Variants in RIMS2 observed in about 807,000 individuals in gnomAD.
RIMS2 encodes regulating synaptic membrane exocytosis protein 2.
Under a neutral mutation model 174.4 loss-of-function variants are expected in RIMS2, and 59 were observed. The ratio of observed to expected loss-of-function variants is 0.34; its 90% confidence interval spans 0.27 to 0.42. RIMS2 has a LOEUF of 0.42. Ranked by LOEUF, RIMS2 falls within the 10% of genes least tolerant of loss-of-function variation. RIMS2 has a pLI of 1.00. For missense variants in RIMS2, 1,620 were observed against 1,666.3 expected, an observed-to-expected ratio of 0.97 and a Z score of 0.48; for synonymous variants, 606 against 572.5, an observed-to-expected ratio of 1.06 and a Z score of -0.84.
In RIMS2 at chr8:103,788,878, C is replaced by A. The variant is rs189928471; in HGVS notation, c.698+22341C>A. ...GGCGCCCCTCCCCCAGCCTCGCCGC[C>A]GCCTTGCAGTTTGATCTCAGACTGC... On this transcript the variant is annotated intron_variant, in intron 3 of 23. Transcript: ENST00000504942. Among the ~76,000 whole-genome samples the A allele has an allele frequency of 2.1e-3, 312 of 150,924 alleles. 2 individuals carry two copies. Among genetic ancestry groups the A allele is most frequent in the Non-Finnish European group, 4.0e-3 (270 of 67,322 alleles).
At chr8:103,603,460 G>C (rs544664510) in intron 1 of RIMS2, among the ~76,000 whole-genome samples, 133 of 150,618 alleles carry the variant, frequency 8.8e-4, no homozygotes, top group African/African-American at 3.1e-3. Context: ...ATAAACATAC[G>C]TGTGCATGTG....
chr8:103,649,999 G>C (rs952054815), intron 1 of RIMS2, among the ~76,000 whole-genome samples: 1 of 152,126 alleles, frequency 6.6e-6, no homozygotes, highest in African/African-American at 2.4e-5. Flanking sequence ...GAGAAGAGCT[G>C]TTCTGGCTTT....
chr8:103,701,162 G>C (rs1444237485), intron 2 of RIMS2, among the ~76,000 whole-genome samples: 2 of 151,962 alleles, frequency 1.3e-5, no homozygotes, highest in Admixed American at 6.6e-5. Flanking sequence ...CAAGTCTGCT[G>C]CTGATGAATA....
At chr8:104,226,945 C>A (rs2099191317) in intron 19 of RIMS2, among the ~76,000 whole-genome samples, 2 of 152,126 alleles carry the variant, frequency 1.3e-5, no homozygotes. Context: ...GTCTTGAAAA[C>A]CAAGAACAAT....
intron 1 of RIMS2, among the ~76,000 whole-genome samples, chr8:103,688,495 A>T (rs569907307): frequency 6.6e-6 from 1 of 152,140 alleles, no homozygotes. Context: ...AGTTGAATTC[A>T]GTTTGCTAGT....
At position 103,510,746 on chromosome 8, in the gene RIMS2, C is replaced by T. The variant is rs540801024; in HGVS notation, c.176+9684C>T. On this transcript the variant is annotated intron_variant, in intron 1 of 23. Transcript: ENST00000504942. ...GGAAAGATTTTTTCTCTTTTAAGAACTCATGTGATTAGCTTGAATTCACCC... is the reference window on the plus strand; with the variant it reads ...GGAAAGATTTTTTCTCTTTTAAGAATTCATGTGATTAGCTTGAATTCACCC... 2.0e-5 allele frequency among the ~76,000 whole-genome samples: 3 copies of T among 152,214 alleles called. No individual in the cohort carries two copies. In the South Asian group the frequency reaches 6.2e-4, roughly 32 times the overall value.
At chr8:103,960,137 GGT>G (rs1306556587) in intron 14 of RIMS2, among the ~76,000 whole-genome samples, 1 of 152,004 alleles carries the variant, frequency 6.6e-6, no homozygotes, top group African/African-American at 2.4e-5. Flanking sequence ...TGTTGTGTGG[GGT>G]GTGTCTGTTC....
At chr8:103,649,175 T>A (rs573525735) in intron 1 of RIMS2, among the ~76,000 whole-genome samples, 12 of 152,302 alleles carry the variant, frequency 7.9e-5, no homozygotes, top group East Asian at 5.8e-4. Context: ...CTGAAAAGGA[T>A]CCTTTTTCTC....
intron 1 of RIMS2, among the ~76,000 whole-genome samples, chr8:103,607,581 T>C (rs2095171285): frequency 6.9e-6 from 1 of 145,848 alleles, no homozygotes; most frequent in Admixed American, 6.7e-5. Flanking sequence ...TCCTGGATAA[T>C]ATCCTGCAGA....
chr8:103,939,904 C>T (rs993994721), intron 13 of RIMS2, among the ~76,000 whole-genome samples: 2 of 152,104 alleles, frequency 1.3e-5, no homozygotes, highest in Non-Finnish European at 2.9e-5. Flanking sequence ...CAAAAAATTC[C>T]TCCTTTCCAT....
chr8:103,717,930 T>C (rs1368128407), intron 2 of RIMS2, among the ~76,000 whole-genome samples: 1 of 152,210 alleles, frequency 6.6e-6, no homozygotes, highest in Non-Finnish European at 1.5e-5. Flanking sequence ...ATTTTAAATT[T>C]TCTTTAATTT....
At chr8:103,707,034 G>A (rs1222342555) in intron 2 of RIMS2, among the ~76,000 whole-genome samples, 1 of 151,978 alleles carries the variant, frequency 6.6e-6, no homozygotes, top group African/African-American at 2.4e-5. Context: ...TCGAGTTACT[G>A]ATTCTTCTCC....
At chr8:103,588,698 A>C (rs2094100693) in intron 1 of RIMS2, among the ~76,000 whole-genome samples, 1 of 151,914 alleles carries the variant, frequency 6.6e-6, no homozygotes, top group Admixed American at 6.6e-5. Context: ...GAAAAACTGG[A>C]TATCCATATG....
At chr8:104,017,424 A>G (rs1453379468) in intron 19 of RIMS2, among the ~76,000 whole-genome samples, 1 of 152,000 alleles carries the variant, frequency 6.6e-6, no homozygotes, top group Non-Finnish European at 1.5e-5. Context: ...TTATATATTT[A>G]GCCATTTATC....
chr8:104,157,114 T>C (rs2098729389), intron 19 of RIMS2, among the ~76,000 whole-genome samples: 1 of 152,234 alleles, frequency 6.6e-6, no homozygotes, highest in Admixed American at 6.5e-5. Flanking sequence ...TTATCCTTCA[T>C]TATTTAAAAA....
chr8:103,876,829 T>C (rs1277923414), intron 3 of RIMS2, among the ~76,000 whole-genome samples: 9 of 105,366 alleles, frequency 8.5e-5, no homozygotes, highest in Admixed American at 6.2e-4. Context: ...TATATATGTA[T>C]ATATATATGT....
At chr8:103,901,227 T>C (rs1220823194) in intron 4 of RIMS2, among the ~76,000 whole-genome samples, 1 of 152,158 alleles carries the variant, frequency 6.6e-6, no homozygotes, top group Non-Finnish European at 1.5e-5. Context: ...ATGATGCTGG[T>C]GTCTGCCTCA....
chr8:103,826,625 C>T (rs931681527), intron 3 of RIMS2, among the ~76,000 whole-genome samples: 3 of 151,064 alleles, frequency 2.0e-5, no homozygotes, highest in Admixed American at 2.0e-4. Context: ...GTAAATCCTC[C>T]ACCTTTGTTC....
chr8:103,723,018 A>G (rs1435891722), intron 2 of RIMS2, among the ~76,000 whole-genome samples: 5 of 152,170 alleles, frequency 3.3e-5, no homozygotes, highest in Non-Finnish European at 7.4e-5. Context: ...AGGCTGAGGT[A>G]GGAGAATCAC....
Sources: gnomAD v4.1 joint callset for allele counts (sites outside exome capture counted in the v4.1 genomes callset) on GRCh38, gnomAD v4.1.1 for gene constraint, MANE v1.5 for transcripts, NCBI Gene and HGNC (gene_info 2026-07-23, HGNC 2026-07-21) for gene names.